Variants in ASIC2 observed in about 807,000 individuals in gnomAD.
The protein encoded by ASIC2 is acid-sensing ion channel 2.
Under a neutral mutation model 57.3 loss-of-function variants are expected in ASIC2, and 25 were observed. That is an observed-to-expected ratio of 0.44 (90% CI 0.32 to 0.61). The LOEUF is 0.61. Ranked by LOEUF, ASIC2 falls within the 20% of genes least tolerant of loss-of-function variation. The pLI, the probability that ASIC2 is intolerant of heterozygous loss-of-function variation, is 0.06. For synonymous variants in ASIC2, 319 were observed against 307.5 expected (o/e 1.04, Z -0.39); for missense variants, 641 against 738.1 (o/e 0.87, Z 1.52).
At chr17:33,643,039 T>G (rs1029655432) in intron 1 of ASIC2, among the ~76,000 whole-genome samples, 1 of 152,210 alleles carries the variant, frequency 6.6e-6, no homozygotes, top group Non-Finnish European at 1.5e-5. Flanking sequence ...CTTCAAAGAA[T>G]GGAGGTTTTC....
chr17:34,035,660 T>G (rs532946102), intron 1 of ASIC2, among the ~76,000 whole-genome samples: 5 of 152,040 alleles, frequency 3.3e-5, no homozygotes, highest in Non-Finnish European at 5.9e-5. Context: ...ATCTAGAATC[T>G]ACAATGAACT....
intron 1 of ASIC2, among the ~76,000 whole-genome samples, chr17:33,781,667 G>C (rs1184345453): frequency 6.6e-6 from 1 of 152,128 alleles, no homozygotes; most frequent in Non-Finnish European, 1.5e-5. Context: ...GAAGTCAGCT[G>C]TGAGACAAAT....
rs572729012 is a variant in ASIC2 at position 33,840,250 on chromosome 17, A to G, written c.555+315728T>C. Among the ~76,000 whole-genome samples the G allele has an allele frequency of 1.3e-4, 20 of 152,336 alleles. 1 individual carries two copies. The South Asian group carries it at 3.5e-3, about 27-fold the overall frequency. ...GTCCTTATTACAGTGTGGTGGGGAC[A>G]TGCTGGGCAGACCACACACCAAGTG... is the stretch of plus-strand genomic sequence containing the variant. On this transcript the variant is annotated intron_variant, in intron 1 of 9. Transcript: ENST00000359872.
At chr17:34,093,922 G>A (rs1326864419) in intron 1 of ASIC2, among the ~76,000 whole-genome samples, 1 of 152,054 alleles carries the variant, frequency 6.6e-6, no homozygotes, top group Non-Finnish European at 1.5e-5. Context: ...TCCTAATGGC[G>A]AACCCCTGGA....
At chr17:33,636,750 C>A (rs116779480) in intron 1 of ASIC2, among the ~76,000 whole-genome samples, 4,381 of 152,154 alleles carry the variant, frequency 0.029, 134 homozygotes, top group African/African-American at 0.082. Context: ...AGACACACAC[C>A]AATATGAGCT....
At chr17:33,320,442 C>T (rs1906824524) in intron 1 of ASIC2, among the ~76,000 whole-genome samples, 1 of 152,120 alleles carries the variant, frequency 6.6e-6, no homozygotes, top group African/African-American at 2.4e-5. Flanking sequence ...TCAGCCCACC[C>T]TCTGGTTCTA....
chr17:33,490,025 C>A (rs1222111067), intron 1 of ASIC2, among the ~76,000 whole-genome samples: 1 of 152,248 alleles, frequency 6.6e-6, no homozygotes, highest in Non-Finnish European at 1.5e-5. Context: ...AGTTGCAACA[C>A]AATGAATAGA....
At position 33,981,080 on chromosome 17, in the gene ASIC2, C is replaced by T. The variant is rs367920288; in HGVS notation, c.555+174898G>A. Reference sequence around the variant, plus strand: ...CCTCCCAAGTAGCTGAGACCACAGGCGTGCACAATCTCGCCTGGCTAATTT... The same window carrying T: ...CCTCCCAAGTAGCTGAGACCACAGGTGTGCACAATCTCGCCTGGCTAATTT... On this transcript the variant is annotated intron_variant, in intron 1 of 9. Coordinates refer to the ASIC2 transcript ENST00000359872. 2.3e-4 allele frequency among the ~76,000 whole-genome samples: 35 copies of T among 152,068 alleles called. No homozygotes were observed. The East Asian group carries it at 3.7e-3, about 16-fold the overall frequency.
intron 3 of ASIC2, among the ~76,000 whole-genome samples, chr17:33,064,656 A>G (rs1419135583): frequency 1.3e-5 from 2 of 152,140 alleles, no homozygotes; most frequent in Non-Finnish European, 2.9e-5. Flanking sequence ...CCACTTGAGG[A>G]GGCAGTCTGT....
chr17:33,764,082 A>G (rs1405682450), intron 1 of ASIC2, among the ~76,000 whole-genome samples: 2 of 152,176 alleles, frequency 1.3e-5, no homozygotes, highest in African/African-American at 2.4e-5. Flanking sequence ...TCACGAGGTC[A>G]GGAGATCGAG....
At chr17:33,638,582 A>T (rs1906449691) in intron 1 of ASIC2, among the ~76,000 whole-genome samples, 1 of 152,116 alleles carries the variant, frequency 6.6e-6, no homozygotes, top group African/African-American at 2.4e-5. Context: ...ACACACACAC[A>T]AACATTTATT....
chr17:33,338,387 T>A (rs1597689266), intron 1 of ASIC2, among the ~76,000 whole-genome samples: 1 of 151,922 alleles, frequency 6.6e-6, no homozygotes, highest in South Asian at 2.1e-4. Context: ...ATGGCAGAGG[T>A]TAGTGCTGGG....
chr17:33,350,244 G>C (rs531047818), intron 1 of ASIC2, among the ~76,000 whole-genome samples: 1 of 152,274 alleles, frequency 6.6e-6, no homozygotes, highest in South Asian at 2.1e-4. Context: ...TCTATGCCTT[G>C]CTGCCCAGAC....
intron 1 of ASIC2, among the ~76,000 whole-genome samples, chr17:33,608,440 G>A (rs781215056): frequency 2.1e-4 from 32 of 152,280 alleles, no homozygotes; most frequent in African/African-American, 5.8e-4. Flanking sequence ...ACTGTAGGTC[G>A]TAGGAATCCA....
intron 1 of ASIC2, among the ~76,000 whole-genome samples, chr17:33,945,947 G>A (rs1015823868): frequency 1.3e-5 from 2 of 152,214 alleles, no homozygotes; most frequent in Non-Finnish European, 1.5e-5. Flanking sequence ...GATTCTGACA[G>A]GGAAATCCCA....
At chr17:33,605,445 T>C (rs1003196533) in intron 1 of ASIC2, among the ~76,000 whole-genome samples, 7 of 152,168 alleles carry the variant, frequency 4.6e-5, no homozygotes, top group African/African-American at 1.7e-4. Context: ...GATAGTAGTT[T>C]TTATCACTTT....
chr17:34,099,766 G>A (rs1333592876), intron 1 of ASIC2, among the ~76,000 whole-genome samples: 7 of 27,908 alleles, frequency 2.5e-4, no homozygotes, highest in African/African-American at 8.3e-4. Context: ...AAGAAAGAAA[G>A]AAAGAAAGAA....
rs545110137 is a variant in ASIC2, at chr17:33,969,644, G to T, written c.555+186334C>A. ...GGCGACAATGTGAACATGCTGCAGA[G>T]TTGTCTCACCCGAGGGACGGGAGCT... On this transcript the variant is annotated intron_variant, in intron 1 of 9. Transcript: ENST00000359872. 2.4e-4 allele frequency among the ~76,000 whole-genome samples: 37 copies of T among 152,322 alleles called. 1 individual carries two copies. The highest frequency in any genetic ancestry group is 6.8e-3 in the Middle Eastern group (2 of 294).
chr17:33,552,656 C>T (rs1039409030), intron 1 of ASIC2, among the ~76,000 whole-genome samples: 2 of 152,232 alleles, frequency 1.3e-5, no homozygotes, highest in African/African-American at 2.4e-5. Context: ...TTTAGACTCT[C>T]AACATCTCTT....
Sources: gnomAD v4.1 joint callset for allele counts (sites outside exome capture counted in the v4.1 genomes callset) on GRCh38, gnomAD v4.1.1 for gene constraint, MANE v1.5 for transcripts, NCBI Gene and HGNC (gene_info 2026-07-23, HGNC 2026-07-21) for gene names.